KHDRBS2: variants seen among roughly 807,000 people sequenced by gnomAD.
KHDRBS2 encodes KH RNA binding domain containing, signal transduction associated 2.
In KHDRBS2, 26 loss-of-function variants were observed where a neutral mutation model predicts 44.3. The ratio of observed to expected loss-of-function variants is 0.59; its 90% CI spans 0.43 to 0.81. The LOEUF is 0.81. Ranked by LOEUF, KHDRBS2 falls within the 40% of genes least tolerant of loss-of-function variation. KHDRBS2 has a pLI of 0.00. For synonymous variants in KHDRBS2, 194 were observed against 151.1 expected (o/e 1.28, Z -2.08); for missense variants, 476 against 433.1 (o/e 1.10, Z -0.88).
chr6:61,693,604 GTTCAGACAGTAAAATCCCT>G (rs1767597488), intron 8 of KHDRBS2, among the ~76,000 whole-genome samples: 1 of 152,066 alleles, frequency 6.6e-6, no homozygotes, highest in Non-Finnish European at 1.5e-5. Context: ...TCCTTATTCT[GTTCAGACAGTAAAATCCCT>G]TTCTACATTT....
intron 6 of KHDRBS2, among the ~76,000 whole-genome samples, chr6:61,760,035 AT>A (rs1043236467): frequency 1.8e-4 from 28 of 152,326 alleles, no homozygotes; most frequent in East Asian, 1.9e-4. Flanking sequence ...TTGAAAAAAA[AT>A]AACATGCATT....
intron 6 of KHDRBS2, among the ~76,000 whole-genome samples, chr6:61,774,443 CAA>C (rs1200130517): frequency 6.6e-6 from 1 of 152,058 alleles, no homozygotes; most frequent in African/African-American, 2.4e-5. Context: ...GCAACTTCAG[CAA>C]AGTCTCAGGA....
At chr6:61,624,121 G>C in the KHDRBS2 span, among the ~76,000 whole-genome samples, 1 of 152,188 alleles carries the variant, frequency 6.6e-6, no homozygotes, top group Non-Finnish European at 1.5e-5. Flanking sequence ...GAAGAATTTT[G>C]TATCATATGT....
chr6:62,154,149 G>A (rs376298536), intron 2 of KHDRBS2, among the ~76,000 whole-genome samples: 3 of 152,214 alleles, frequency 2.0e-5, no homozygotes, highest in South Asian at 4.1e-4. Flanking sequence ...TATCAGAGAA[G>A]ACTTTGTAGA....
At chr6:61,983,236 C>CTTTCTTTA in intron 3 of KHDRBS2, among the ~76,000 whole-genome samples, 1 of 118,510 alleles carries the variant, frequency 8.4e-6, no homozygotes, top group Non-Finnish European at 1.8e-5. Flanking sequence ...TTCTTTCTTT[C>CTTTCTTTA]TTTTTTTTTT....
At chr6:61,784,107 T>G (rs1404394096) in intron 6 of KHDRBS2, among the ~76,000 whole-genome samples, 1 of 151,946 alleles carries the variant, frequency 6.6e-6, no homozygotes, top group Non-Finnish European at 1.5e-5. Context: ...AAATATTTTT[T>G]AAAATAGTTT....
At chr6:61,918,462 A>G (rs188395426) in intron 4 of KHDRBS2, among the ~76,000 whole-genome samples, 237 of 151,980 alleles carry the variant, frequency 1.6e-3, no homozygotes, top group Non-Finnish European at 2.7e-3. Flanking sequence ...GACCCTCATG[A>G]TGGGATTATT....
intron 3 of KHDRBS2, among the ~76,000 whole-genome samples, chr6:62,024,206 C>T (rs1475890790): frequency 6.6e-6 from 1 of 151,184 alleles, no homozygotes; most frequent in Non-Finnish European, 1.5e-5. Context: ...CTGAATATTA[C>T]TGTAATAACT....
chr6:61,833,118 T>C (rs917031857), intron 6 of KHDRBS2, among the ~76,000 whole-genome samples: 1 of 152,206 alleles, frequency 6.6e-6, no homozygotes, highest in African/African-American at 2.4e-5. Context: ...CATATTCCAA[T>C]GGATTTACCA....
chr6:62,129,537 TAAC>T (rs1167720653), intron 2 of KHDRBS2, among the ~76,000 whole-genome samples: 1 of 152,248 alleles, frequency 6.6e-6, no homozygotes, highest in East Asian at 1.9e-4. Context: ...TTAAATATCT[TAAC>T]AACTTCCAAG....
chr6:61,852,806 AGTGTGTGT>A (rs1223912995), intron 6 of KHDRBS2, among the ~76,000 whole-genome samples: 1 of 152,042 alleles, frequency 6.6e-6, no homozygotes, highest in African/African-American at 2.4e-5. Context: ...TTAAAAATTG[AGTGTGTGT>A]GTGTATATGT....
chr6:62,136,008 T>C (rs1452637153), intron 2 of KHDRBS2, among the ~76,000 whole-genome samples: 10 of 151,792 alleles, frequency 6.6e-5, no homozygotes, highest in African/African-American at 2.4e-4. Flanking sequence ...GTTAATATTT[T>C]ATTATGCACT....
chr6:62,255,635 C>G (rs1188508616), intron 1 of KHDRBS2, among the ~76,000 whole-genome samples: 4 of 151,312 alleles, frequency 2.6e-5, no homozygotes, highest in Non-Finnish European at 4.4e-5. Flanking sequence ...CACACACACA[C>G]ACACACACAC....
At chr6:61,605,430 T>C in the KHDRBS2 span, among the ~76,000 whole-genome samples, 4 of 152,294 alleles carry the variant, frequency 2.6e-5, no homozygotes, top group South Asian at 2.1e-4. Flanking sequence ...AGTAAATAAA[T>C]AATCTTTGCT....
intron 6 of KHDRBS2, among the ~76,000 whole-genome samples, chr6:61,856,804 T>TA (rs1304755552): frequency 8.6e-5 from 13 of 152,000 alleles, no homozygotes; most frequent in Admixed American, 2.0e-4. Flanking sequence ...GGCAGGCACT[T>TA]AAAGAGGTCA....
intron 2 of KHDRBS2, among the ~76,000 whole-genome samples, chr6:62,080,044 TA>T (rs1416213873): frequency 1.3e-5 from 2 of 151,942 alleles, no homozygotes; most frequent in Non-Finnish European, 2.9e-5. Flanking sequence ...TATTTATAAA[TA>T]AAATGCAAAT....
chr6:61,901,458 G>T, intron 4 of KHDRBS2, 87 bp from the exon 5 acceptor site: 1 of 369,918 alleles, frequency 2.7e-6, no homozygotes, highest in Non-Finnish European at 4.1e-6. Flanking sequence ...AAAACAAAAC[G>T]CAATAGGAAA....
chr6:61,807,261 G>A (rs1787313385), intron 6 of KHDRBS2, among the ~76,000 whole-genome samples: 1 of 152,100 alleles, frequency 6.6e-6, no homozygotes, highest in African/African-American at 2.4e-5. Flanking sequence ...GGAAAGCAGT[G>A]TGGAAATTCC....
At chr6:61,909,132 T>G (rs1426283828) in intron 4 of KHDRBS2, among the ~76,000 whole-genome samples, 4 of 151,682 alleles carry the variant, frequency 2.6e-5, no homozygotes, top group South Asian at 2.1e-4. Flanking sequence ...AGGAGCATGA[T>G]CTCAGCTCAC....
Sources: gnomAD v4.1 joint callset for allele counts (sites outside exome capture counted in the v4.1 genomes callset) on GRCh38, gnomAD v4.1.1 for gene constraint, MANE v1.5 for transcripts, NCBI Gene and HGNC (gene_info 2026-07-23, HGNC 2026-07-21) for gene names.